RSRC1: variants seen among roughly 807,000 people sequenced by gnomAD.
RSRC1 encodes serine/Arginine-related protein 53.
Under a neutral mutation model 49.1 loss-of-function variants are expected in RSRC1, and 39 were observed. That is an observed-to-expected ratio of 0.79 (90% CI 0.61 to 1.04). RSRC1 has a LOEUF of 1.04. RSRC1 is among the 50% of genes least tolerant of loss of function. RSRC1 has a pLI of 0.00. For synonymous variants in RSRC1, 143 were observed against 130.8 expected (o/e 1.09, Z -0.63); for missense variants, 388 against 402.4 (o/e 0.96, Z 0.31).
chr3:158,266,728 GTCT>G (rs539545148), intron 4 of RSRC1, among the ~76,000 whole-genome samples: 61 of 152,020 alleles, frequency 4.0e-4, no homozygotes, highest in African/African-American at 1.4e-3. Flanking sequence ...AAGCAAAAGT[GTCT>G]TCATTTCACC....
chr3:158,307,359 C>G (rs976026919), intron 5 of RSRC1, among the ~76,000 whole-genome samples: 13 of 151,680 alleles, frequency 8.6e-5, no homozygotes, highest in Non-Finnish European at 1.6e-4. Context: ...ATATGTGATT[C>G]TATGAAAGAA....
intron 7 of RSRC1, among the ~76,000 whole-genome samples, chr3:158,528,308 A>G (rs1712169921): frequency 6.6e-6 from 1 of 151,944 alleles, no homozygotes; most frequent in African/African-American, 2.4e-5. Context: ...GGTTATGATG[A>G]AAGTTTGTAT....
chr3:158,296,831 T>A (rs575600052), intron 4 of RSRC1, among the ~76,000 whole-genome samples: 1 of 152,070 alleles, frequency 6.6e-6, no homozygotes, highest in East Asian at 1.9e-4. Flanking sequence ...TTAGTACTAA[T>A]CAGTAGAAGT....
At chr3:158,227,642 A>G (rs1192226194) in intron 4 of RSRC1, among the ~76,000 whole-genome samples, 1 of 152,034 alleles carries the variant, frequency 6.6e-6, no homozygotes, top group African/African-American at 2.4e-5. Context: ...TAGAAGAATC[A>G]TATGTTACGA....
At chr3:158,329,641 G>T (rs966426107) in intron 5 of RSRC1, among the ~76,000 whole-genome samples, 2 of 152,178 alleles carry the variant, frequency 1.3e-5, no homozygotes, top group African/African-American at 4.8e-5. Flanking sequence ...CTGTCAGTGT[G>T]CCCCTACTGG....
chr3:158,437,102 A>T (rs1361645930), intron 6 of RSRC1, among the ~76,000 whole-genome samples: 1 of 151,930 alleles, frequency 6.6e-6, no homozygotes, highest in Non-Finnish European at 1.5e-5. Flanking sequence ...TTCTTTTTAT[A>T]GATGTACACA....
intron 3 of RSRC1, among the ~76,000 whole-genome samples, chr3:158,149,186 T>G (rs774846517): frequency 3.3e-5 from 5 of 152,250 alleles, no homozygotes; most frequent in Non-Finnish European, 7.3e-5. Context: ...TAGTTTCTTT[T>G]TACTCTTAAG....
chr3:158,358,770 C>T (rs1731302135), intron 6 of RSRC1, among the ~76,000 whole-genome samples: 1 of 152,086 alleles, frequency 6.6e-6, no homozygotes, highest in African/African-American at 2.4e-5. Flanking sequence ...TTTCCTTTCC[C>T]CCAAGCCCTT....
chr3:158,353,825 A>G (rs1027433141), intron 5 of RSRC1, among the ~76,000 whole-genome samples: 2 of 152,144 alleles, frequency 1.3e-5, no homozygotes, highest in African/African-American at 4.8e-5. Context: ...ACAACTTTAT[A>G]AATATATTAA....
At chr3:158,478,948 C>CA (rs10603914) in intron 7 of RSRC1, among the ~76,000 whole-genome samples, 35,723 of 111,990 alleles carry the variant, frequency 0.32, 5,098 homozygotes, top group South Asian at 0.43. Flanking sequence ...GGAGAAAAAG[C>CA]AAAAAAAAAA....
chr3:158,262,590 C>T (rs923773947), intron 4 of RSRC1, among the ~76,000 whole-genome samples: 1 of 152,074 alleles, frequency 6.6e-6, no homozygotes, highest in African/African-American at 2.4e-5. Context: ...CTTGTCAGTT[C>T]TATAAAATAT....
At chr3:158,162,186 G>A (rs758679612) in intron 3 of RSRC1, among the ~76,000 whole-genome samples, 16 of 152,184 alleles carry the variant, frequency 1.1e-4, no homozygotes, top group Non-Finnish European at 2.1e-4. Context: ...AATGTTTTGG[G>A]TGGCTTCTCA....
At chr3:158,508,312 TTTC>T (rs1312079809) in intron 7 of RSRC1, among the ~76,000 whole-genome samples, 2 of 152,112 alleles carry the variant, frequency 1.3e-5, no homozygotes, top group Non-Finnish European at 2.9e-5. Context: ...TTTCTCTTTT[TTTC>T]TTCTTATTTC....
chr3:158,121,131 T>C (rs1409832046), intron 1 of RSRC1, among the ~76,000 whole-genome samples: 1 of 151,998 alleles, frequency 6.6e-6, no homozygotes, highest in African/African-American at 2.4e-5. Context: ...TTTCTTAAAT[T>C]ATCTCAATGG....
At chr3:158,174,524 T>TTA (rs1719083846) in intron 3 of RSRC1, among the ~76,000 whole-genome samples, 1 of 151,944 alleles carries the variant, frequency 6.6e-6, no homozygotes, top group African/African-American at 2.4e-5. Flanking sequence ...CTCACAATCA[T>TTA]TATTATTTCC....
chr3:158,214,557 G>A (rs1559945993), intron 4 of RSRC1, among the ~76,000 whole-genome samples: 1 of 151,438 alleles, frequency 6.6e-6, no homozygotes, highest in Non-Finnish European at 1.5e-5. Context: ...TAATACAAGT[G>A]TTTAGTGATA....
chr3:158,151,406 G>A (rs1054197233), intron 3 of RSRC1, among the ~76,000 whole-genome samples: 9 of 152,134 alleles, frequency 5.9e-5, no homozygotes, highest in African/African-American at 2.2e-4. Context: ...TGGGGATATG[G>A]AGGGCACCTC....
intron 7 of RSRC1, among the ~76,000 whole-genome samples, chr3:158,464,512 CA>C: frequency 6.6e-6 from 1 of 152,130 alleles, no homozygotes; most frequent in East Asian, 1.9e-4. Context: ...GAATGGTGGA[CA>C]GTGAAAATAT....
At chr3:158,134,563 G>A (rs1716239857) in intron 3 of RSRC1, among the ~76,000 whole-genome samples, 1 of 152,178 alleles carries the variant, frequency 6.6e-6, no homozygotes, top group African/African-American at 2.4e-5. Context: ...ATGCCTGACA[G>A]ATGAGCCATT....
Sources: allele counts gnomAD v4.1 joint callset (sites outside exome capture counted in the v4.1 genomes callset), GRCh38; gene constraint gnomAD v4.1.1; transcripts MANE v1.5; gene names NCBI Gene and HGNC (gene_info 2026-07-23, HGNC 2026-07-21).